Variants in PCYT1B observed in about 807,000 individuals in gnomAD.
PCYT1B encodes choline-phosphate cytidylyltransferase B.
PCYT1B carries 10 observed loss-of-function variants against 26.4 expected under a neutral mutation model. That is an observed-to-expected ratio of 0.38 (90% CI 0.23 to 0.64). PCYT1B has a LOEUF of 0.64. Among genes scored for constraint, PCYT1B ranks in the 30% least tolerant of loss-of-function variants. The pLI, the probability that PCYT1B is intolerant of heterozygous loss-of-function variation, is 0.56. For synonymous variants in PCYT1B, 131 were observed against 108.4 expected (o/e 1.21, Z -1.29); for missense variants, 161 against 292.7 (o/e 0.55, Z 3.28).
chrX:24,580,706 G>T (rs1924180111), intron 5 of PCYT1B, among the ~76,000 whole-genome samples: 1 of 112,106 alleles, frequency 8.9e-6, no homozygotes, highest in Non-Finnish European at 1.9e-5. Context: ...TTACACTTCT[G>T]TTGTGAACTG....
At chrX:24,604,709 C>T (rs892897684) in intron 3 of PCYT1B, among the ~76,000 whole-genome samples, 2 of 111,310 alleles carry the variant, frequency 1.8e-5, no homozygotes, top group African/African-American at 6.5e-5. Context: ...GCATGCACCA[C>T]CATGCCCAGC....
intron 1 of PCYT1B, among the ~76,000 whole-genome samples, chrX:24,627,754 AG>A (rs1404901465): frequency 2.7e-5 from 3 of 112,157 alleles, no homozygotes; most frequent in Non-Finnish European, 5.6e-5. Flanking sequence ...AGACAGAGGC[AG>A]GGGTCAGGGT....
At chrX:24,593,263 C>G (rs1370863895) in intron 3 of PCYT1B, among the ~76,000 whole-genome samples, 1 of 110,975 alleles carries the variant, frequency 9.0e-6, no homozygotes, top group Non-Finnish European at 1.9e-5. Flanking sequence ...CATATAGATA[C>G]TCAAGAAATA....
intron 1 of PCYT1B, among the ~76,000 whole-genome samples, chrX:24,643,494 A>G (rs1926527879): frequency 8.9e-6 from 1 of 112,317 alleles, no homozygotes; most frequent in Admixed American, 9.5e-5. Context: ...TGGTAAGAGT[A>G]GTAAGATTAT....
rs756342863 is a variant in PCYT1B at position 24,670,048 on chromosome X, A to AAAAGAAAGAAAG, written c.63+2510_63+2521dup. Among the ~76,000 whole-genome samples, 91 of 58,085 alleles carry AAAAGAAAGAAAG rather than the reference A, an allele frequency of 1.6e-3. 1 individual carries two copies. The highest frequency in any genetic ancestry group is 2.1e-3 in the Non-Finnish European group (64 of 30,427). 50.4% of individuals were successfully genotyped at this position (58,085 alleles called of 115,157 possible). On this transcript the variant is annotated intron_variant, in intron 1 of 7. Coordinates refer to the PCYT1B transcript ENST00000379145. ...ACAGAGTAAGACCTTGTCTCAAAAA[A>AAAAGAAAGAAAG]AAAGAAAGAAAGAAAGAAAGAAAGA...
At chrX:24,584,672 C>T (rs61761918) in intron 5 of PCYT1B, among the ~76,000 whole-genome samples, 39 of 112,235 alleles carry the variant, frequency 3.5e-4, no homozygotes, top group African/African-American at 1.2e-3. Context: ...AGAATACATA[C>T]ATTTTATGTA....
intron 1 of PCYT1B, among the ~76,000 whole-genome samples, chrX:24,660,678 CAA>C (rs35663098): frequency 7.5e-4 from 48 of 63,888 alleles, no homozygotes; most frequent in African/African-American, 2.3e-3. Context: ...AACTCTATCT[CAA>C]AAAAAAAAAA....
chrX:24,604,636 C>T, intron 3 of PCYT1B, among the ~76,000 whole-genome samples: 1 of 110,893 alleles, frequency 9.0e-6, no homozygotes, highest in Non-Finnish European at 1.9e-5. Context: ...GCTCACTATA[C>T]CCTTGAACTC....
At chrX:24,592,388 C>T (rs1924596936) in intron 3 of PCYT1B, among the ~76,000 whole-genome samples, 1 of 111,318 alleles carries the variant, frequency 9.0e-6, no homozygotes, top group East Asian at 2.8e-4. Flanking sequence ...CACTCAGCAT[C>T]CTTGGAAAAC....
At chrX:24,587,540 T>C (rs1352230223) in intron 4 of PCYT1B, among the ~76,000 whole-genome samples, 4 of 112,237 alleles carry the variant, frequency 3.6e-5, no homozygotes, top group Non-Finnish European at 7.5e-5. Flanking sequence ...GTTTCTCTCC[T>C]TTGCTGGTCC....
At position 24,607,836 on chromosome X, in the gene PCYT1B, G is replaced by A. The variant is rs754355941; in HGVS notation, c.243C>T (p.Ala81=). Residue 81 remains alanine (A), a synonymous_variant, in exon 3 of 8, where the codon GCC becomes GCT. Transcript: ENST00000379144. ...TPADRPVRVY[A]DGIFDLFHSG... is the part of the protein sequence containing the mutation. ...AGTGGAAGAGGTCAAATATTCCATCGGCGTATACTCTGACAGGCCTGTCAG... is the reference window on the plus strand; with the variant it reads ...AGTGGAAGAGGTCAAATATTCCATCAGCGTATACTCTGACAGGCCTGTCAG... 1.9e-5 allele frequency: 22 copies of A among 1,181,708 alleles called. No homozygotes were observed. In the South Asian group the frequency reaches 2.0e-4, roughly 11 times the overall value.
intron 1 of PCYT1B, among the ~76,000 whole-genome samples, chrX:24,645,758 G>A (rs1335103792): frequency 9.0e-6 from 1 of 111,380 alleles, no homozygotes; most frequent in Non-Finnish European, 1.9e-5. Flanking sequence ...ACTGCCCTAA[G>A]AGAAAACATT....
At chrX:24,643,642 T>A (rs1926532656) in intron 1 of PCYT1B, among the ~76,000 whole-genome samples, 1 of 112,449 alleles carries the variant, frequency 8.9e-6, no homozygotes, top group African/African-American at 3.2e-5. Context: ...ATAAGGCAGG[T>A]AGAGAAACTA....
At chrX:24,634,775 A>AC (rs1926221505) in intron 1 of PCYT1B, among the ~76,000 whole-genome samples, 2 of 110,212 alleles carry the variant, frequency 1.8e-5, no homozygotes, top group Admixed American at 9.8e-5. Context: ...AACAACAACA[A>AC]AAACATTTCC....
chrX:24,646,463 T>C (rs1227782546), intron 1 of PCYT1B, among the ~76,000 whole-genome samples: 2 of 111,772 alleles, frequency 1.8e-5, no homozygotes, highest in African/African-American at 3.3e-5. Flanking sequence ...AACTAAATCA[T>C]TGAGGGACTC....
chrX:24,596,452 TG>T (rs755714084), intron 3 of PCYT1B, among the ~76,000 whole-genome samples: 1 of 109,358 alleles, frequency 9.1e-6, no homozygotes, highest in South Asian at 4.0e-4. Context: ...GTTAACCAGG[TG>T]TGGTGGTGCA....
At chrX:24,616,325 C>T (rs1476108393) in intron 2 of PCYT1B, among the ~76,000 whole-genome samples, 1 of 105,705 alleles carries the variant, frequency 9.5e-6, no homozygotes, top group African/African-American at 3.5e-5. Flanking sequence ...GCAACCTCTG[C>T]CTCCTGGGTT....
At chrX:24,634,754 C>T (rs868456908) in intron 1 of PCYT1B, among the ~76,000 whole-genome samples, 1 of 73,360 alleles carries the variant, frequency 1.4e-5, no homozygotes, top group Non-Finnish European at 3.1e-5. Flanking sequence ...CAAAAACAAA[C>T]AAACAACAAC....
At chrX:24,629,580 AAAAAAAAAAAC>A (rs1390064737) in intron 1 of PCYT1B, among the ~76,000 whole-genome samples, 34 of 100,146 alleles carry the variant, frequency 3.4e-4, no homozygotes, top group Admixed American at 4.5e-4. Context: ...AAAAAAAAAA[AAAAAAAAAAAC>A]AACACGTATT....
Sources: allele counts gnomAD v4.1 joint callset (sites outside exome capture counted in the v4.1 genomes callset), GRCh38; gene constraint gnomAD v4.1.1; transcripts MANE v1.5; gene names NCBI Gene and HGNC (gene_info 2026-07-23, HGNC 2026-07-21).